The following DOCK10 variants were observed in gnomAD, a reference collection of about 807,000 sequenced individuals.
DOCK10 encodes the protein dedicator of cytokinesis protein 10.
In DOCK10, 145 loss-of-function variants were observed where a neutral mutation model predicts 280.1. That is an observed-to-expected ratio of 0.52 (90% CI 0.45 to 0.59). The LOEUF (loss-of-function observed/expected upper bound fraction) is 0.59, where lower values mean the gene tolerates loss of function less well. DOCK10 is among the 20% of genes least tolerant of loss of function. DOCK10 has a pLI of 0.00. For missense variants in DOCK10, 2,368 were observed against 2,651.7 expected, an observed-to-expected ratio of 0.89 and a Z score of 2.35; for synonymous variants, 915 against 942.2, an observed-to-expected ratio of 0.97 and a Z score of 0.53.
At chr2:224,964,728 T>A (rs1226656484) in intron 1 of DOCK10, among the ~76,000 whole-genome samples, 1 of 152,232 alleles carries the variant, frequency 6.6e-6, no homozygotes, top group Non-Finnish European at 1.5e-5. Context: ...ACCAAATTAA[T>A]GTTAAATTTC....
At chr2:224,778,460 A>G (rs1259842975) in intron 50 of DOCK10, 176 bp from the exon 51 acceptor site, 4 of 685,402 alleles carry the variant, frequency 5.8e-6, no homozygotes, top group South Asian at 4.7e-5. Context: ...AAAATAAAGT[A>G]TCATCTTATA....
intron 7 of DOCK10, among the ~76,000 whole-genome samples, chr2:224,878,194 G>A (rs945607275): frequency 6.6e-6 from 1 of 152,142 alleles, no homozygotes; most frequent in African/African-American, 2.4e-5. Context: ...CCAGATAGCT[G>A]TTTCTTTCAA....
intron 11 of DOCK10, among the ~76,000 whole-genome samples, chr2:224,873,407 T>C (rs1433712298): frequency 6.6e-6 from 1 of 151,842 alleles, no homozygotes; most frequent in Non-Finnish European, 1.5e-5. Flanking sequence ...CAAAACCTCA[T>C]CTGTATAAGA....
intron 1 of DOCK10, among the ~76,000 whole-genome samples, chr2:224,973,765 G>T (rs1705234822): frequency 6.6e-6 from 1 of 151,974 alleles, no homozygotes; most frequent in Admixed American, 6.5e-5. Flanking sequence ...TTACAGACAG[G>T]GAAGCCAAGG....
chr2:224,935,462 A>G (rs886346766), intron 1 of DOCK10, among the ~76,000 whole-genome samples: 3 of 152,206 alleles, frequency 2.0e-5, no homozygotes, highest in Admixed American at 6.5e-5. Context: ...GAGTGTGAGT[A>G]TAGGTTTTCT....
chr2:225,004,729 G>A (rs981141170), intron 1 of DOCK10, among the ~76,000 whole-genome samples: 23 of 152,224 alleles, frequency 1.5e-4, no homozygotes, highest in Non-Finnish European at 3.1e-4. Context: ...ACAGAACCAA[G>A]GATGTGAAGA....
intron 7 of DOCK10, among the ~76,000 whole-genome samples, chr2:224,881,573 C>A (rs1015100458): frequency 2.1e-4 from 32 of 152,126 alleles, no homozygotes; most frequent in Admixed American, 1.5e-3. Flanking sequence ...CATTCCTCTG[C>A]CTCAAGTTAA....
At chr2:224,951,211 AT>A (rs1227308176) in intron 1 of DOCK10, among the ~76,000 whole-genome samples, 2 of 152,240 alleles carry the variant, frequency 1.3e-5, no homozygotes, top group Admixed American at 1.3e-4. Context: ...CTGTGAAACA[AT>A]ATATGTGAGT....
At chr2:224,837,679 A>C in intron 25 of DOCK10, 83 bp downstream of exon 25, 1 of 1,201,848 alleles carries the variant, frequency 8.3e-7, no homozygotes, top group South Asian at 1.2e-5. Flanking sequence ...AAGGGAGAAA[A>C]CTTCCCACTT....
chr2:224,991,236 C>A (rs2126270082), intron 1 of DOCK10, among the ~76,000 whole-genome samples: 1 of 152,200 alleles, frequency 6.6e-6, no homozygotes, highest in South Asian at 2.1e-4. Context: ...AATAACGCAG[C>A]CTAGAAAGTG....
At chr2:224,781,750 C>T (rs942093317) in intron 50 of DOCK10, among the ~76,000 whole-genome samples, 1 of 152,194 alleles carries the variant, frequency 6.6e-6, no homozygotes, top group African/African-American at 2.4e-5. Flanking sequence ...AAAGAACACA[C>T]ACTAGTTAAA....
intron 1 of DOCK10, among the ~76,000 whole-genome samples, chr2:224,951,336 TGTAA>T (rs1274716615): frequency 6.6e-6 from 1 of 151,924 alleles, no homozygotes; most frequent in African/African-American, 2.4e-5. Flanking sequence ...TCATTTCTTA[TGTAA>T]GTATGTATTT....
intron 1 of DOCK10, among the ~76,000 whole-genome samples, chr2:224,942,791 T>C (rs1264348926): frequency 1.3e-5 from 2 of 152,190 alleles, no homozygotes; most frequent in African/African-American, 2.4e-5. Context: ...ACTTTAAAGA[T>C]AAGAGGATGA....
intron 1 of DOCK10, among the ~76,000 whole-genome samples, chr2:224,974,993 C>T (rs1206375769): frequency 6.6e-6 from 1 of 150,398 alleles, no homozygotes; most frequent in Non-Finnish European, 1.5e-5. Context: ...CTTGGTTTTC[C>T]GATTTTCTTT....
chr2:224,812,787 A>G (rs923178624), intron 31 of DOCK10, among the ~76,000 whole-genome samples: 2 of 152,206 alleles, frequency 1.3e-5, no homozygotes, highest in African/African-American at 2.4e-5. Flanking sequence ...GCTGGATTAC[A>G]CTTATTGATT....
Position 224,849,509 on chromosome 2 carries a change from C to G in DOCK10, c.2233G>C (p.Glu745Gln), listed in dbSNP as rs1314239022. 6.2e-7 allele frequency: 1 copy of G among 1,609,354 alleles called. No homozygotes were observed. The change falls in exon 19 of 56, where the codon GAG becomes CAG. Residue 745 changes from glutamate to glutamine, a missense_variant and splice_region_variant. Physicochemically the swap from Glu to Gln is conservative, Grantham distance 29 (BLOSUM62 2). Transcript: ENST00000258390. ...HHSQNPDFSDEVKIELPTQLH... is the reference protein window; with the variant it reads ...HHSQNPDFSDQVKIELPTQLH... ...GGCAGTGGAGGGCTAGCTCTTACCT[C>G]ATCTGAGAAATCCGGATTCTGAGAG...
chr2:224,778,794 C>G (rs7578549), intron 50 of DOCK10, among the ~76,000 whole-genome samples: 2,016 of 152,280 alleles, frequency 0.013, 47 homozygotes, highest in African/African-American at 0.046. Flanking sequence ...AACCACAACA[C>G]TTTATGTAGT....
chr2:224,905,201 C>T (rs1330424619), intron 3 of DOCK10, among the ~76,000 whole-genome samples: 1 of 148,182 alleles, frequency 6.7e-6, no homozygotes, highest in Non-Finnish European at 1.5e-5. Context: ...TTTTGGTACA[C>T]AATTTAAAGA....
intron 1 of DOCK10, among the ~76,000 whole-genome samples, chr2:224,996,763 G>A (rs76740479): frequency 0.016 from 2,452 of 152,266 alleles, 63 homozygotes; most frequent in African/African-American, 0.056. Flanking sequence ...AGCAGCTTTC[G>A]AACTTGACTC....
Sources: allele counts gnomAD v4.1 joint callset (sites outside exome capture counted in the v4.1 genomes callset), GRCh38; gene constraint gnomAD v4.1.1; transcripts MANE v1.5; gene names NCBI Gene and HGNC (gene_info 2026-07-23, HGNC 2026-07-21).